ABCA13: variants seen among roughly 807,000 people sequenced by gnomAD.
ABCA13 encodes ATP-binding cassette sub-family A member 13.
A neutral mutation model predicts 478.7 loss-of-function variants in ABCA13; 476 were observed. The observed-to-expected ratio is 0.99, with a 90% CI of 0.92 to 1.07. The LOEUF (loss-of-function observed/expected upper bound fraction) is 1.07, where lower values mean the gene tolerates loss of function less well. ABCA13 is among the 50% of genes least tolerant of loss of function. The pLI is 0.00. For missense variants in ABCA13, 6,060 were observed against 5,910.6 expected, an observed-to-expected ratio of 1.03 and a Z score of -0.83; for synonymous variants, 2,252 against 2,158.9, an observed-to-expected ratio of 1.04 and a Z score of -1.20.
At chr7:48,367,288 C>T (rs1811826108) in intron 31 of ABCA13, among the ~76,000 whole-genome samples, 1 of 152,088 alleles carries the variant, frequency 6.6e-6, no homozygotes, top group African/African-American at 2.4e-5. Context: ...CATTGATGCC[C>T]TAGATAAGAG....
chr7:48,466,627 A>C (rs1432018664), intron 43 of ABCA13, among the ~76,000 whole-genome samples: 1 of 152,224 alleles, frequency 6.6e-6, no homozygotes, highest in Non-Finnish European at 1.5e-5. Flanking sequence ...TAGCCTTTAA[A>C]ATTTGTTTTT....
Position 48,646,021 on chromosome 7 carries a change from G to C in ABCA13, c.*509G>C, listed in dbSNP as rs1361792926. The C allele has an allele frequency of 6.5e-6, 1 of 153,144 alleles. No homozygotes were observed. Among genetic ancestry groups the C allele is most frequent in the Non-Finnish European group, 1.4e-5 (1 of 69,034 alleles). The allele number at this position is 153,144 out of a possible 1,614,324, so 9.5% of individuals were successfully genotyped here. ...CATGTTTTTAATGATTTTAATGTAAGCTTTTATTAATACTGATGACATTAT... is the reference window on the plus strand; with the variant it reads ...CATGTTTTTAATGATTTTAATGTAACCTTTTATTAATACTGATGACATTAT... On this transcript the variant is annotated 3_prime_UTR_variant, in exon 62 of 62. Transcript: ENST00000435803.
In ABCA13 at chr7:48,273,122, A is replaced by G; in HGVS notation, c.3456A>G (p.Gln1152=). 6.2e-7 allele frequency: 1 copy of G among 1,613,684 alleles called. No homozygotes were observed. ...MSIHCTVSWL[Q]MWTEIWETIS... is the part of the protein sequence containing the mutation. Reference sequence around the variant, plus strand: ...TTCACTGTACCGTTTCATGGCTTCAAATGTGGACTGAAATCTGGGAAACCA... The same window carrying G: ...TTCACTGTACCGTTTCATGGCTTCAGATGTGGACTGAAATCTGGGAAACCA... Residue 1152 remains glutamine (Q), a synonymous_variant, in exon 17 of 62, where the codon CAA becomes CAG. Transcript: ENST00000435803.
intron 2 of ABCA13, among the ~76,000 whole-genome samples, chr7:48,197,881 T>A (rs1401859569): frequency 6.6e-6 from 1 of 152,198 alleles, no homozygotes; most frequent in Non-Finnish European, 1.5e-5. Flanking sequence ...AGAAGCATCC[T>A]TTCTATTCTT....
intron 31 of ABCA13, among the ~76,000 whole-genome samples, chr7:48,363,953 G>A (rs1028034462): frequency 6.6e-6 from 1 of 151,976 alleles, no homozygotes; most frequent in Non-Finnish European, 1.5e-5. Flanking sequence ...CAACTTTTTC[G>A]CATGGGTTTT....
At chr7:48,250,746 C>CA (rs1430904831) in intron 15 of ABCA13, among the ~76,000 whole-genome samples, 1 of 152,120 alleles carries the variant, frequency 6.6e-6, no homozygotes, top group Non-Finnish European at 1.5e-5. Context: ...GGAAAGATGC[C>CA]AGCATGTAAA....
intron 42 of ABCA13, among the ~76,000 whole-genome samples, chr7:48,446,462 A>G (rs1050596533): frequency 6.6e-6 from 1 of 150,718 alleles, no homozygotes; most frequent in Non-Finnish European, 1.5e-5. Context: ...CAGCTCTATG[A>G]TCTGCCACTA....
intron 48 of ABCA13, among the ~76,000 whole-genome samples, chr7:48,503,644 C>T (rs1196318245): frequency 6.6e-6 from 1 of 152,144 alleles, no homozygotes. Context: ...GAGTAATGTT[C>T]CATTATGTGC....
intron 28 of ABCA13, among the ~76,000 whole-genome samples, chr7:48,337,783 T>C (rs1806497598): frequency 6.6e-6 from 1 of 152,216 alleles, no homozygotes. Flanking sequence ...CAAGATGTCA[T>C]GAAGTTGATG....
At chr7:48,370,539 C>A (rs562271224) in intron 32 of ABCA13, among the ~76,000 whole-genome samples, 13 of 151,996 alleles carry the variant, frequency 8.6e-5, no homozygotes, top group African/African-American at 3.1e-4. Context: ...TTGCCATATA[C>A]GGCTCAGACC....
intron 19 of ABCA13, among the ~76,000 whole-genome samples, chr7:48,286,846 A>T (rs565551462): frequency 2.3e-4 from 35 of 152,236 alleles, no homozygotes; most frequent in Admixed American, 6.6e-4. Context: ...TTTATTATTC[A>T]TAATTTAAGA....
chr7:48,627,522 A>G (rs959516960), intron 59 of ABCA13, among the ~76,000 whole-genome samples: 8 of 152,192 alleles, frequency 5.3e-5, no homozygotes, highest in Non-Finnish European at 7.3e-5. Flanking sequence ...CTTACTACGT[A>G]TGTAACTTGG....
chr7:48,184,772 A>G (rs1796146791), intron 1 of ABCA13, among the ~76,000 whole-genome samples: 1 of 152,168 alleles, frequency 6.6e-6, no homozygotes, highest in Admixed American at 6.5e-5. Flanking sequence ...GTGAGCTGAG[A>G]TTGCACCACT....
chr7:48,215,356 A>G (rs989082842), intron 3 of ABCA13, among the ~76,000 whole-genome samples: 4 of 152,142 alleles, frequency 2.6e-5, no homozygotes, highest in Admixed American at 2.6e-4. Context: ...TCCATCTTAT[A>G]TGGGCATGGT....
Position 48,181,557 on chromosome 7 carries a change from CT to C in ABCA13, c.69+10016del, listed in dbSNP as rs1554326030. On this transcript the variant is annotated intron_variant, in intron 1 of 61. Coordinates refer to ENST00000435803, the MANE Select transcript of ABCA13 (RefSeq NM_152701.5). Reference sequence around the variant, plus strand: ...ACTTGTGAGTTGTATAATGTTTTATCTTTTTTTTTTTAAGTCTCAATTCAAG... The same window carrying C: ...ACTTGTGAGTTGTATAATGTTTTATCTTTTTTTTTTAAGTCTCAATTCAAG... 3.1e-3 allele frequency among the ~76,000 whole-genome samples: 453 copies of C among 146,444 alleles called. 4 individuals are homozygous for C. The highest frequency in any genetic ancestry group is 0.01 in the Middle Eastern group (3 of 288).
intron 16 of ABCA13, among the ~76,000 whole-genome samples, chr7:48,269,298 C>CA (rs1795290714): frequency 6.6e-6 from 1 of 152,090 alleles, no homozygotes; most frequent in Non-Finnish European, 1.5e-5. Context: ...ATGTATGACT[C>CA]AATGGATTTT....
intron 38 of ABCA13, among the ~76,000 whole-genome samples, chr7:48,401,793 G>A (rs1817649778): frequency 8.7e-6 from 1 of 114,576 alleles, no homozygotes; most frequent in African/African-American, 3.1e-5. Context: ...GAGCAAAATT[G>A]TCCATAAAAT....
chr7:48,566,453 A>G (rs1787071750), intron 55 of ABCA13, among the ~76,000 whole-genome samples: 1 of 152,184 alleles, frequency 6.6e-6, no homozygotes, highest in South Asian at 2.1e-4. Context: ...GCATTTTCTA[A>G]TAATATCAAT....
intron 56 of ABCA13, among the ~76,000 whole-genome samples, chr7:48,584,304 G>A (rs1788969233): frequency 6.6e-6 from 1 of 152,090 alleles, no homozygotes; most frequent in South Asian, 2.1e-4. Context: ...ATTTTTGCCA[G>A]CCTCACCACT....
Sources: gnomAD v4.1 joint callset for allele counts (sites outside exome capture counted in the v4.1 genomes callset) on GRCh38, gnomAD v4.1.1 for gene constraint, MANE v1.5 for transcripts, NCBI Gene and HGNC (gene_info 2026-07-23, HGNC 2026-07-21) for gene names.